Variants in PARK7 observed in about 807,000 individuals in gnomAD.
The protein encoded by PARK7 is Parkinson disease protein 7.
PARK7 carries 14 observed loss-of-function variants against 20.5 expected under a neutral mutation model. That is an observed-to-expected ratio of 0.68 (90% CI 0.45 to 1.07). The LOEUF is 1.07. PARK7 is among the 50% of genes least tolerant of loss of function. PARK7 has a pLI of 0.00. For missense variants in PARK7, 234 were observed against 238.1 expected (o/e 0.98, Z 0.11); for synonymous variants, 98 against 84.3 (o/e 1.16, Z -0.89).
chr1:7,967,067 T>G lies in PARK7; in HGVS notation c.192+1642T>G, dbSNP rs1363272795. On this transcript the variant is annotated intron_variant, in intron 3 of 6. Transcript: ENST00000338639. ...TTAACAAATCTCTCCCTATCCCCAC[T>G]TTCTCCTATCCTCCCCAGCCTCTAG... 2.0e-5 allele frequency among the ~76,000 whole-genome samples: 3 copies of G among 152,210 alleles called. No homozygotes were observed. In the South Asian group the frequency reaches 6.2e-4, roughly 32 times the overall value.
chr1:7,979,956 G>A (rs1026973468), intron 6 of PARK7, among the ~76,000 whole-genome samples: 47 of 152,186 alleles, frequency 3.1e-4, no homozygotes, highest in African/African-American at 1.0e-3. Flanking sequence ...TCAGGAGATC[G>A]AGACCATCCT....
intron 1 of PARK7, 66 bp downstream of exon 1, chr1:7,961,859 CGG>C (rs1640209519): frequency 8.8e-6 from 1 of 113,740 alleles, no homozygotes. Flanking sequence ...GGGTGCTGGA[CGG>C]TGTCCCTGTG....
Position 7,984,683 on chromosome 1 carries a change from A to G in PARK7, c.410-211A>G, listed in dbSNP as rs1156510622. 6.6e-6 allele frequency among the ~76,000 whole-genome samples: 1 copy of G among 152,220 alleles called. No homozygotes were observed. The highest frequency in any genetic ancestry group is 2.4e-5 in the African/African-American group (1 of 41,458). On this transcript the variant is annotated intron_variant, in intron 6 of 6. Coordinates refer to ENST00000338639, the MANE Select transcript of PARK7 (RefSeq NM_007262.5). This position sits in a 1 kb window ranked among gnomAD's most constrained non-coding sequence, Gnocchi z 4.3. The stretch of plus-strand genomic sequence containing the variant: ...AACTCACGCATATTTGTTTCATTCT[A>G]ACAGTGGTTTCTGTCACCCTTTGCT...
At chr1:7,981,199 T>C (rs562634700) in intron 6 of PARK7, among the ~76,000 whole-genome samples, 1 of 152,282 alleles carries the variant, frequency 6.6e-6, no homozygotes, top group Non-Finnish European at 1.5e-5. Flanking sequence ...GTGGGAAGTT[T>C]CCTTAGTGTC....
chr1:7,980,898 G>T (rs1640696264), intron 6 of PARK7, among the ~76,000 whole-genome samples: 1 of 151,808 alleles, frequency 6.6e-6, no homozygotes, highest in African/African-American at 2.4e-5. Context: ...GATAGATTCA[G>T]GGTCTCACTA....
chr1:7,983,382 C>T (rs1640752188), intron 6 of PARK7, among the ~76,000 whole-genome samples: 1 of 152,242 alleles, frequency 6.6e-6, no homozygotes, highest in Non-Finnish European at 1.5e-5. Flanking sequence ...AGTGGTGTCA[C>T]CATCATCCAG....
At position 7,985,351 on chromosome 1, in the gene PARK7, C is replaced by T; in HGVS notation, c.*297C>T. ...AATTCCGTATCACCTTCATTTGCAG[C>T]TCTTAACTGTCCATATGGCACTGAA... On this transcript the variant is annotated 3_prime_UTR_variant, in exon 7 of 7. Coordinates refer to ENST00000338639, the MANE Select transcript of PARK7 (RefSeq NM_007262.5). 2.5e-6 allele frequency: 1 copy of T among 406,342 alleles called. No individual in the cohort carries two copies. The allele number at this position is 406,342 out of a possible 1,614,324, so 25.2% of individuals were successfully genotyped here. A position where few individuals can be genotyped will look rare whatever the true frequency, so the allele number is the denominator to read the frequency against.
At chr1:7,968,496 C>G (rs1024619257) in intron 3 of PARK7, among the ~76,000 whole-genome samples, 2 of 151,898 alleles carry the variant, frequency 1.3e-5, no homozygotes, top group East Asian at 3.9e-4. Flanking sequence ...GTGCCTTTTA[C>G]TTAAAATTTG....
chr1:7,980,370 A>G (rs914247373), intron 6 of PARK7, among the ~76,000 whole-genome samples: 1 of 152,144 alleles, frequency 6.6e-6, no homozygotes, highest in African/African-American at 2.4e-5. Context: ...TGCCTGTTGC[A>G]TCTGTTTTCC....
intron 6 of PARK7, among the ~76,000 whole-genome samples, chr1:7,982,282 CG>C (rs1640728725): frequency 6.6e-6 from 1 of 151,940 alleles, no homozygotes; most frequent in Admixed American, 6.6e-5. Flanking sequence ...CCACTGCATC[CG>C]GCTTCCCATT....
intron 5 of PARK7, among the ~76,000 whole-genome samples, chr1:7,974,544 G>C (rs1297056327): frequency 2.6e-5 from 4 of 151,828 alleles, no homozygotes; most frequent in Non-Finnish European, 5.9e-5. Flanking sequence ...CAGGAGAATG[G>C]TGTGAACCTG....
chr1:7,974,799 G>A (rs895151602), intron 5 of PARK7, among the ~76,000 whole-genome samples: 2 of 151,674 alleles, frequency 1.3e-5, no homozygotes, highest in Admixed American at 1.3e-4. Flanking sequence ...GAACAGAGGA[G>A]TGATGGAAGA....
chr1:7,974,200 T>C (rs1232472628), intron 5 of PARK7, among the ~76,000 whole-genome samples: 2 of 151,130 alleles, frequency 1.3e-5, no homozygotes, highest in African/African-American at 4.9e-5. Context: ...TGCACACTTG[T>C]AGTCCCAGCT....
At position 7,962,845 on chromosome 1, in the gene PARK7, C is replaced by A; in HGVS notation, c.60C>A (p.Val20=). The A allele has an allele frequency of 6.2e-7, 1 of 1,612,704 alleles. No individual in the cohort carries two copies. The highest frequency in any genetic ancestry group is 1.1e-5 in the South Asian group (1 of 91,024). Residue 20 remains valine (V), a synonymous_variant, in exon 2 of 7, where the codon GTC becomes GTA. Coordinates refer to ENST00000338639, the MANE Select transcript of PARK7 (RefSeq NM_007262.5). ...AAGGAGCAGAGGAAATGGAGACGGT[C>A]ATCCCTGTAGATGTCATGAGGCGAG... The part of the protein sequence containing the change: ...LAKGAEEMET[V]IPVDVMRRAG...
chr1:7,972,720 G>A (rs574120429), intron 5 of PARK7, among the ~76,000 whole-genome samples: 9 of 151,782 alleles, frequency 5.9e-5, no homozygotes, highest in African/African-American at 1.7e-4. Context: ...CCTGGCAAAC[G>A]TGGTGAAATC....
chr1:7,980,019 G>A lies in PARK7; in HGVS notation c.409+2281G>A, dbSNP rs78629670. Among the ~76,000 whole-genome samples the A allele has an allele frequency of 3.0e-4, 46 of 152,046 alleles. No homozygotes were observed. The East Asian group carries it at 7.2e-3, about 24-fold the overall frequency. On this transcript the variant is annotated intron_variant, in intron 6 of 6. Coordinates refer to ENST00000338639, the MANE Select transcript of PARK7 (RefSeq NM_007262.5). ...CTAAATGTACTAAAAAAATTAGCTG[G>A]GCGTGGTGGCGGGCACCTGTAGTCC... is the stretch of plus-strand genomic sequence containing the variant.
At chr1:7,965,073 G>A (rs1005991541) in intron 2 of PARK7, among the ~76,000 whole-genome samples, 6 of 152,104 alleles carry the variant, frequency 3.9e-5, no homozygotes, top group African/African-American at 1.4e-4. Flanking sequence ...CAAACACAGG[G>A]CAGCTGTGTA....
intron 6 of PARK7, among the ~76,000 whole-genome samples, chr1:7,980,877 AT>A (rs1640695636): frequency 6.6e-6 from 1 of 151,578 alleles, no homozygotes. Flanking sequence ...TTTTTTTCTT[AT>A]CTTTTTTTTG....
intron 5 of PARK7, among the ~76,000 whole-genome samples, chr1:7,976,008 A>G (rs530296358): frequency 1.3e-5 from 2 of 152,348 alleles, no homozygotes; most frequent in African/African-American, 4.8e-5. Context: ...TTGGTCTGAA[A>G]CTGACAGCTG....
Sources: allele counts gnomAD v4.1 joint callset (sites outside exome capture counted in the v4.1 genomes callset), GRCh38; gene constraint gnomAD v4.1.1; non-coding constraint Gnocchi (gnomAD v3.1); transcripts MANE v1.5; gene names NCBI Gene and HGNC (gene_info 2026-07-23, HGNC 2026-07-21).